The following COX10 variants were observed in gnomAD, a reference collection of about 807,000 sequenced individuals.
COX10 encodes protoheme IX farnesyltransferase, mitochondrial.
Under a neutral mutation model 37.3 loss-of-function variants are expected in COX10, and 27 were observed. The ratio of observed to expected loss-of-function variants is 0.72; its 90% CI spans 0.53 to 1.00. The LOEUF (loss-of-function observed/expected upper bound fraction) is 1.00. COX10 is among the 50% of genes least tolerant of loss of function. The pLI, the probability that COX10 is intolerant of heterozygous loss-of-function variation, is 0.00. For missense variants in COX10, 475 were observed against 563.2 expected (o/e 0.84, Z 1.59); for synonymous variants, 222 against 229.1 (o/e 0.97, Z 0.28).
intron 6 of COX10, among the ~76,000 whole-genome samples, chr17:14,206,009 C>T (rs1267530692): frequency 2.0e-5 from 3 of 152,078 alleles, no homozygotes; most frequent in Admixed American, 1.3e-4. Context: ...ACTCTGGGAC[C>T]GTTTTGTCCT....
intron 4 of COX10, among the ~76,000 whole-genome samples, chr17:14,147,818 T>TTC (rs1289981589): frequency 3.4e-5 from 1 of 29,190 alleles, no homozygotes; most frequent in East Asian, 1.3e-3. Context: ...ACACAGGGTC[T>TTC]TTATAGACAG....
chr17:14,155,990 C>G (rs778683881), intron 4 of COX10, among the ~76,000 whole-genome samples: 1 of 152,070 alleles, frequency 6.6e-6, no homozygotes, highest in Non-Finnish European at 1.5e-5. Context: ...TAGCATGGCA[C>G]GTGAGGCTCT....
chr17:14,152,156 G>A (rs1482483471), intron 4 of COX10, among the ~76,000 whole-genome samples: 1 of 152,118 alleles, frequency 6.6e-6, no homozygotes, highest in African/African-American at 2.4e-5. Context: ...CCACTATGCA[G>A]GATATAAGGG....
At chr17:14,195,274 G>T (rs1230321423) in intron 6 of COX10, among the ~76,000 whole-genome samples, 1 of 152,178 alleles carries the variant, frequency 6.6e-6, no homozygotes, top group African/African-American at 2.4e-5. Context: ...GAATCTAAGA[G>T]AATGTATTTT....
chr17:14,116,205 G>A (rs1296576681), intron 4 of COX10, among the ~76,000 whole-genome samples: 2 of 151,948 alleles, frequency 1.3e-5, no homozygotes, highest in African/African-American at 2.4e-5. Context: ...ATCAGTCCCC[G>A]TTATCCTTTC....
chr17:14,126,609 C>T (rs1382448478), intron 4 of COX10, among the ~76,000 whole-genome samples: 2 of 152,082 alleles, frequency 1.3e-5, no homozygotes, highest in East Asian at 3.8e-4. Context: ...TTTATGGTGA[C>T]AGTGGTCACA....
At chr17:14,074,594 C>G (rs1325581452) in intron 2 of COX10, 138 bp downstream of exon 2, 6 of 850,618 alleles carry the variant, frequency 7.1e-6, no homozygotes, top group Non-Finnish European at 1.2e-5. Flanking sequence ...TTAAATTTAT[C>G]CAAATGTCTT....
chr17:14,069,976 C>G (rs1021072521), intron 1 of COX10, among the ~76,000 whole-genome samples: 1 of 152,200 alleles, frequency 6.6e-6, no homozygotes, highest in African/African-American at 2.4e-5. Context: ...CACAGTCCTC[C>G]TTATCAGAGC....
chr17:14,141,081 T>C (rs1405617510), intron 4 of COX10, among the ~76,000 whole-genome samples: 1 of 152,150 alleles, frequency 6.6e-6, no homozygotes, highest in Non-Finnish European at 1.5e-5. Context: ...GTGTTAAAGT[T>C]ATAGTGTTAA....
intron 4 of COX10, among the ~76,000 whole-genome samples, chr17:14,128,785 G>A (rs149005270): frequency 2.3e-3 from 345 of 152,258 alleles, no homozygotes; most frequent in African/African-American, 8.0e-3. Context: ...AAACAAAGGC[G>A]GTCAACTTTA....
rs532825810 is a variant in COX10, at chr17:14,095,086, A to G, written c.500-7032A>G. 8.9e-4 allele frequency among the ~76,000 whole-genome samples: 136 copies of G among 152,352 alleles called. No individual in the cohort carries two copies. The Middle Eastern group carries it at 0.024, about 27-fold the overall frequency. On this transcript the variant is annotated intron_variant, in intron 3 of 6. Coordinates refer to ENST00000261643, the MANE Select transcript of COX10 (RefSeq NM_001303.4). ...ATTTCACGGAAGTTGATTCTGACTTAATTGGAGAAGGAACTGTCGAACAGC... is the reference window on the plus strand; with the variant it reads ...ATTTCACGGAAGTTGATTCTGACTTGATTGGAGAAGGAACTGTCGAACAGC...
At chr17:14,099,102 T>C (rs748822152) in intron 3 of COX10, among the ~76,000 whole-genome samples, 4 of 152,098 alleles carry the variant, frequency 2.6e-5, no homozygotes, top group Admixed American at 6.6e-5. Flanking sequence ...TCCTGTAATC[T>C]TTATCCGAAC....
chr17:14,181,163 G>C (rs1905845371), intron 5 of COX10, among the ~76,000 whole-genome samples: 1 of 152,216 alleles, frequency 6.6e-6, no homozygotes, highest in Admixed American at 6.5e-5. Context: ...ATGAGTAAGA[G>C]ATGGCCATAC....
intron 4 of COX10, among the ~76,000 whole-genome samples, chr17:14,147,707 C>G (rs898637626): frequency 1.3e-5 from 2 of 148,536 alleles, no homozygotes; most frequent in Admixed American, 1.3e-4. Flanking sequence ...CATGATGTGA[C>G]TATTATACAT....
chr17:14,110,817 T>C (rs12944265), intron 4 of COX10, among the ~76,000 whole-genome samples: 78,659 of 151,738 alleles, frequency 0.52, 20,602 homozygotes, highest in South Asian at 0.57. Flanking sequence ...TGGGAGACTG[T>C]ATCGTTTCTT....
At chr17:14,090,987 C>T (rs1915515596) in intron 3 of COX10, among the ~76,000 whole-genome samples, 1 of 152,144 alleles carries the variant, frequency 6.6e-6, no homozygotes, top group South Asian at 2.1e-4. Context: ...AACTAGCTTG[C>T]CACCATTTGT....
At chr17:14,174,965 TAC>T (rs1326223739) in intron 5 of COX10, among the ~76,000 whole-genome samples, 1 of 127,228 alleles carries the variant, frequency 7.9e-6, no homozygotes, top group Non-Finnish European at 1.7e-5. Context: ...TCAAAAGCAC[TAC>T]GTTAAGTGAA....
At chr17:14,201,716 T>G (rs998829098) in intron 6 of COX10, among the ~76,000 whole-genome samples, 2 of 152,326 alleles carry the variant, frequency 1.3e-5, no homozygotes, top group Admixed American at 6.5e-5. Context: ...CCCCCATTTC[T>G]AAGTTATCAC....
intron 4 of COX10, among the ~76,000 whole-genome samples, chr17:14,134,101 T>C (rs534742632): frequency 9.2e-5 from 14 of 151,832 alleles, no homozygotes; most frequent in Non-Finnish European, 2.1e-4. Context: ...TAGTTACTTA[T>C]ACTTTAAAGG....
Sources: gnomAD v4.1 joint callset for allele counts (sites outside exome capture counted in the v4.1 genomes callset) on GRCh38, gnomAD v4.1.1 for gene constraint, MANE v1.5 for transcripts, NCBI Gene and HGNC (gene_info 2026-07-23, HGNC 2026-07-21) for gene names.